The following QTRT1 variants were observed in gnomAD, a reference collection of about 807,000 sequenced individuals.
The protein encoded by QTRT1 is TGT, 43-KD subunit.
In QTRT1, 41 loss-of-function variants were observed where a neutral mutation model predicts 44.0. The ratio of observed to expected loss-of-function variants is 0.93; its 90% CI spans 0.73 to 1.21. The LOEUF is 1.21. Ranked by LOEUF, QTRT1 falls within the 50% of genes most tolerant of loss-of-function variation. QTRT1 has a pLI of 0.00. For synonymous variants in QTRT1, 226 were observed against 237.1 expected (o/e 0.95, Z 0.43); for missense variants, 542 against 575.8 (o/e 0.94, Z 0.60).
rs528771530 is a variant in QTRT1, at chr19:10,712,088, C to T, written c.647-73C>T. 3.8e-6 allele frequency: 6 copies of T among 1,585,792 alleles called. No individual in the cohort carries two copies. The East Asian group carries it at 6.7e-5, about 18-fold the overall frequency. On this transcript the variant is annotated intron_variant, in intron 5 of 9. Transcript: ENST00000250237. This position sits in a 1 kb window ranked among gnomAD's most constrained non-coding sequence, Gnocchi z 5.6. ...CCCTGAGCGACTCTGGAAGTCTGGG[C>T]AGGGTGTGTTCTGGGATTGAAGACC...
At position 10,707,588 on chromosome 19, in the gene QTRT1, G is replaced by A. The variant is rs763860657; in HGVS notation, c.619G>A (p.Ala207Thr). The change falls in exon 5 of 10, where the codon GCA becomes ACA. Residue 207 changes from alanine to threonine, a missense_variant. Transcript: ENST00000250237. ...CGCCATTATCCAGGGTGGGCTGGAC[G>A]CAGATCTCCGGGCCACCTGCCTTGA... ...LFAIIQGGLDADLRATCLEEM... is the reference protein window; with the variant it reads ...LFAIIQGGLDTDLRATCLEEM... 6 of 1,608,560 alleles carry A rather than the reference G, an allele frequency of 3.7e-6. No homozygotes were observed. Among genetic ancestry groups the A allele is most frequent in the Non-Finnish European group, 5.1e-6 (6 of 1,177,614 alleles).
chr19:10,713,181 G>T lies in QTRT1; in HGVS notation c.1123G>T (p.Asp375Tyr). 6.2e-7 allele frequency: 1 copy of T among 1,609,900 alleles called. No individual in the cohort carries two copies. The change falls in exon 10 of 10, where the codon GAC (aspartate) becomes TAC (tyrosine). Residue 375 changes from aspartate (D) to tyrosine (Y), a missense_variant. Physicochemically the swap from Asp to Tyr is radical, Grantham distance 160 (BLOSUM62 -3). Coordinates refer to ENST00000250237, the MANE Select transcript of QTRT1 (RefSeq NM_031209.3). The surrounding 1 kb of genome is among the most constrained non-coding windows in gnomAD (Gnocchi z 4.3). ...VEKRFPDFVRDFMGAMYGDPT... is the reference protein window; with the variant it reads ...VEKRFPDFVRYFMGAMYGDPT... ...GAAGCGCTTCCCGGACTTCGTGCGG[G>T]ACTTCATGGGCGCCATGTACGGGGA...
chr19:10,702,389 C>A, intron 3 of QTRT1, 135 bp downstream of exon 3: 2 of 948,182 alleles, frequency 2.1e-6, no homozygotes, highest in Non-Finnish European at 3.1e-6. Flanking sequence ...CAACTCAAAG[C>A]GGGGGTAAAT....
At position 10,707,548 on chromosome 19, in the gene QTRT1, C is replaced by G; in HGVS notation, c.579C>G (p.Asp193Glu). ...GCATTGCAGCCCATCAGCGGCCGGA[C>G]AAGCAGAACCTCTTCGCCATTATCC... is the stretch of plus-strand genomic sequence containing the variant. ...DRCIAAHQRP[D>E]KQNLFAIIQG... The change falls in exon 5 of 10, where the codon GAC (aspartate) becomes GAG (glutamate). Residue 193 changes from aspartate (D) to glutamate (E), a missense_variant. By Grantham distance (45) the Asp-to-Glu change is conservative. Transcript: ENST00000250237. 1 of 1,613,086 alleles carries G rather than the reference C, an allele frequency of 6.2e-7. No individual in the cohort carries two copies. The highest frequency in any genetic ancestry group is 8.5e-7 in the Non-Finnish European group (1 of 1,179,588).
chr19:10,712,177 C>T lies in QTRT1; in HGVS notation c.663C>T (p.Asp221=), dbSNP rs757623844. 10 of 1,613,098 alleles carry T rather than the reference C, an allele frequency of 6.2e-6. No individual in the cohort carries two copies. The highest frequency in any genetic ancestry group is 5.5e-5 in the South Asian group (5 of 91,032). ...TACCCTCAGAGATGACCAAGCGAGA[C>T]GTGCCTGGCTTCGCCATCGGGGGCC... ...ATCLEEMTKR[D]VPGFAIGGLS... Residue 221 remains aspartate (D), a synonymous_variant, in exon 6 of 10, where the codon GAC becomes GAT. Transcript: ENST00000250237. This position sits in a 1 kb window ranked among gnomAD's most constrained non-coding sequence, Gnocchi z 5.6.
chr19:10,707,541 G>T lies in QTRT1; in HGVS notation c.572G>T (p.Arg191Leu). ...GACCGGTGCATTGCAGCCCATCAGC[G>T]GCCGGACAAGCAGAACCTCTTCGCC... ...WLDRCIAAHQRPDKQNLFAII... is the reference protein window; with the variant it reads ...WLDRCIAAHQLPDKQNLFAII... The change falls in exon 5 of 10, where the codon CGG (arginine) becomes CTG (leucine). Residue 191 changes from arginine (R) to leucine (L), a missense_variant. By Grantham distance (102) the Arg-to-Leu change is moderately radical (BLOSUM62 -2). Transcript: ENST00000250237. 6.2e-7 allele frequency: 1 copy of T among 1,613,122 alleles called. No homozygotes were observed. The highest frequency in any genetic ancestry group is 8.5e-7 in the Non-Finnish European group (1 of 1,179,536).
At chr19:10,706,443 G>A (rs2068713862) in intron 3 of QTRT1, among the ~76,000 whole-genome samples, 1 of 152,092 alleles carries the variant, frequency 6.6e-6, no homozygotes, top group African/African-American at 2.4e-5. Context: ...TGCAATCTTA[G>A]CTCACCGCAA....
At position 10,712,410 on chromosome 19, in the gene QTRT1, C is replaced by G. The variant is rs1194794642; in HGVS notation, c.785+111C>G. On this transcript the variant is annotated intron_variant, in intron 6 of 9. Coordinates refer to ENST00000250237, the MANE Select transcript of QTRT1 (RefSeq NM_031209.3). This position sits in a 1 kb window ranked among gnomAD's most constrained non-coding sequence, Gnocchi z 5.6. ...TGGGGGAAACGGACACAGGTCTGAT[C>G]TGAGGAGACTAGGAAGACATGGCTG... 1.4e-6 allele frequency: 2 copies of G among 1,469,258 alleles called. No homozygotes were observed. Among genetic ancestry groups the G allele is most frequent in the Non-Finnish European group, 1.9e-6 (2 of 1,066,636 alleles). 91.0% of individuals were successfully genotyped at this position (1,469,258 alleles called of 1,614,324 possible). A position where few individuals can be genotyped will look rare whatever the true frequency, so the allele number is the denominator to read the frequency against.
At position 10,707,301 on chromosome 19, in the gene QTRT1, G is replaced by A. The variant is rs1599394540; in HGVS notation, c.452-1G>A. 6.2e-7 allele frequency: 1 copy of A among 1,614,178 alleles called. No individual in the cohort carries two copies. Among genetic ancestry groups the A allele is most frequent in the East Asian group, 2.2e-5 (1 of 44,890 alleles). ...TGATGTTGCCCCCATCTCACCATCA[G>A]GCTCGGACATCATCATGCAGCTGGA... On this transcript the variant is annotated splice_acceptor_variant, in intron 3 of 9. Transcript: ENST00000250237. LOFTEE classifies it high-confidence loss of function.
Position 10,713,128 on chromosome 19 carries a change from T to C in QTRT1, c.1070T>C (p.Met357Thr), listed in dbSNP as rs1568254591. The C allele has an allele frequency of 6.2e-7, 1 of 1,609,504 alleles. No homozygotes were observed. Among genetic ancestry groups the C allele is most frequent in the Non-Finnish European group, 8.5e-7 (1 of 1,179,134 alleles). ...VHNIAYQLQL[M>T]SAVRTSIVEK... is the part of the protein sequence containing the mutation. Reference sequence around the variant, plus strand: ...CTCCCCTCCCCGCAGCTGCAGCTCATGAGCGCCGTCCGCACCAGCATCGTG... The same window carrying C: ...CTCCCCTCCCCGCAGCTGCAGCTCACGAGCGCCGTCCGCACCAGCATCGTG... The change falls in exon 10 of 10, where the codon ATG becomes ACG. Residue 357 changes from methionine to threonine, a missense_variant. Physicochemically the swap from Met to Thr is moderately conservative, Grantham distance 81. Transcript: ENST00000250237. The surrounding 1 kb of genome is among the most constrained non-coding windows in gnomAD (Gnocchi z 4.3).
chr19:10,712,167 C>G lies in QTRT1; in HGVS notation c.653C>G (p.Thr218Ser), dbSNP rs767015466. Residue 218 changes from threonine (T) to serine (S), a missense_variant, in exon 6 of 10, where the codon ACC becomes AGC. By Grantham distance (58) the Thr-to-Ser change is moderately conservative. Coordinates refer to ENST00000250237, the MANE Select transcript of QTRT1 (RefSeq NM_031209.3). This position sits in a 1 kb window ranked among gnomAD's most constrained non-coding sequence, Gnocchi z 5.6. ...CCTTACCCTGTACCCTCAGAGATGA[C>G]CAAGCGAGACGTGCCTGGCTTCGCC... ...DLRATCLEEM[T>S]KRDVPGFAIG... 5 of 1,612,754 alleles carry G rather than the reference C, an allele frequency of 3.1e-6. No individual in the cohort carries two copies. The highest frequency in any genetic ancestry group is 2.5e-6 in the Non-Finnish European group (3 of 1,180,040).
chr19:10,701,826 A>C, intron 1 of QTRT1, 123 bp downstream of exon 1: 1 of 1,571,508 alleles, frequency 6.4e-7, no homozygotes, highest in Non-Finnish European at 8.7e-7. Context: ...AGCGCCCCCA[A>C]TGACCAGGCC....
In QTRT1 at chr19:10,706,791, TC is replaced by T. The variant is rs558118000; in HGVS notation, c.452-509del. 920 of 160,586 alleles carry T rather than the reference TC, an allele frequency of 5.7e-3. 13 individuals are homozygous for T. The highest frequency in any genetic ancestry group is 0.021 in the African/African-American group (882 of 41,156). 9.9% of individuals were successfully genotyped at this position (160,586 alleles called of 1,614,324 possible). Reference sequence around the variant, plus strand: ...TCTGTCTCCCAGATTCAAGCTATTCTCCTGTCTCTGCCTTCCAAGCAGCTGG... The same window carrying T: ...TCTGTCTCCCAGATTCAAGCTATTCTCTGTCTCTGCCTTCCAAGCAGCTGG... On this transcript the variant is annotated intron_variant, in intron 3 of 9. Transcript: ENST00000250237.
rs537991427 is a variant in QTRT1 at position 10,713,091 on chromosome 19, C to T, written c.1060-27C>T. ...GGCGGGGGTGTCCTAGGTGCGTATG[C>T]CCCACGCTGACCTCCCCTCCCCGCA... is the stretch of plus-strand genomic sequence containing the variant. On this transcript the variant is annotated intron_variant, in intron 9 of 9. Transcript: ENST00000250237. The surrounding 1 kb of genome is among the most constrained non-coding windows in gnomAD (Gnocchi z 4.3). The T allele has an allele frequency of 3.7e-6, 6 of 1,608,484 alleles. No homozygotes were observed. The highest frequency in any genetic ancestry group is 2.2e-5 in the South Asian group (2 of 91,022).
rs1481706400 is a variant in QTRT1, at chr19:10,702,333, T to C, written c.451+79T>C. On this transcript the variant is annotated intron_variant, in intron 3 of 9. Transcript: ENST00000250237. ...TTACACGGGGCCTGTTTTTTAGCTG[T>C]TGTGTGGCTTTGAGCAGGTCACTCC... is the stretch of plus-strand genomic sequence containing the variant. 3 of 1,515,572 alleles carry C rather than the reference T, an allele frequency of 2.0e-6. No homozygotes were observed. In the African/African-American group the frequency reaches 4.2e-5, roughly 21 times the overall value. The allele number at this position is 1,515,572 out of a possible 1,614,324, so 93.9% of individuals were successfully genotyped here.
intron 5 of QTRT1, among the ~76,000 whole-genome samples, chr19:10,707,923 A>G (rs539401352): frequency 2.4e-4 from 36 of 148,226 alleles, no homozygotes; most frequent in Non-Finnish European, 5.1e-4. Flanking sequence ...CACCGCGCCC[A>G]GCCTATTTAT....
chr19:10,710,465 A>T (rs547122360), intron 5 of QTRT1, among the ~76,000 whole-genome samples: 186 of 151,986 alleles, frequency 1.2e-3, no homozygotes, highest in African/African-American at 3.5e-3. Context: ...TACAGGCACC[A>T]GCCACCACGC....
intron 5 of QTRT1, chr19:10,711,809 G>A: frequency 2.7e-6 from 1 of 372,384 alleles, no homozygotes; most frequent in Non-Finnish European, 5.0e-6. Flanking sequence ...CTCACATCTG[G>A]AAAACTCTGA....
rs780055481 is a variant in QTRT1 at position 10,707,283 on chromosome 19, GC to G, written c.452-14del. On this transcript the variant is annotated intron_variant, in intron 3 of 9. Coordinates refer to ENST00000250237, the MANE Select transcript of QTRT1 (RefSeq NM_031209.3). ...CATTGCGGGCTTTCCCAGTGATGTT[GC>G]CCCCATCTCACCATCAGGCTCGGAC... The G allele has an allele frequency of 1.2e-6, 2 of 1,613,818 alleles. No individual in the cohort carries two copies. The highest frequency in any genetic ancestry group is 1.1e-5 in the South Asian group (1 of 91,078).
Sources: gnomAD v4.1 joint callset for allele counts (sites outside exome capture counted in the v4.1 genomes callset) on GRCh38, gnomAD v4.1.1 for gene constraint, Gnocchi (gnomAD v3.1) non-coding constraint, MANE v1.5 for transcripts, NCBI Gene and HGNC (gene_info 2026-07-23, HGNC 2026-07-21) for gene names.